TTC28: variants seen among roughly 807,000 people sequenced by gnomAD.
The protein encoded by TTC28 is tetratricopeptide repeat protein 28.
A neutral mutation model predicts 198.0 loss-of-function variants in TTC28; 61 were observed. The ratio of observed to expected loss-of-function variants is 0.31; its 90% confidence interval spans 0.25 to 0.38. The LOEUF (loss-of-function observed/expected upper bound fraction) is 0.38, where lower values mean the gene tolerates loss of function less well. Ranked by LOEUF, TTC28 falls within the 10% of genes least tolerant of loss-of-function variation. The pLI is 1.00. For missense variants in TTC28, 2,678 were observed against 3,164.0 expected (o/e 0.85, Z 3.69); for synonymous variants, 1,171 against 1,297.8 (o/e 0.90, Z 2.10).
rs1361018049 is a variant in TTC28 at position 27,982,773 on chromosome 22, G to T, written c.6894C>A (p.His2298Gln). 1 of 1,549,886 alleles carries T rather than the reference G, an allele frequency of 6.5e-7. No individual in the cohort carries two copies. Among genetic ancestry groups the T allele is most frequent in the South Asian group, 1.2e-5 (1 of 83,942 alleles). Residue 2298 changes from histidine (H) to glutamine (Q), a missense_variant, in exon 23 of 23, where the codon CAC becomes CAA. Physicochemically the swap from His to Gln is conservative, Grantham distance 24. Transcript: ENST00000397906. The surrounding 1 kb of genome is among the most constrained non-coding windows in gnomAD (Gnocchi z 5.2). ...LKYPSSPYSA[H>Q]ISKSPRNMSP... ...ACATGTTCCTTGGTGATTTGGAAAT[G>T]TGAGCGCTGTAAGGAGAGCTGGGGT...
At chr22:28,352,645 T>C (rs1006286908) in intron 2 of TTC28, among the ~76,000 whole-genome samples, 9 of 151,844 alleles carry the variant, frequency 5.9e-5, no homozygotes, top group African/African-American at 1.2e-4. Flanking sequence ...CAGCAAGAGG[T>C]ACCCAGGCTG....
chr22:28,313,621 A>G (rs1040739746), intron 2 of TTC28, among the ~76,000 whole-genome samples: 2 of 152,266 alleles, frequency 1.3e-5, no homozygotes, highest in Admixed American at 1.3e-4. Context: ...CCACATGATT[A>G]TCTCAATAGA....
At chr22:28,146,833 G>T (rs1053282014) in intron 6 of TTC28, among the ~76,000 whole-genome samples, 9 of 151,832 alleles carry the variant, frequency 5.9e-5, no homozygotes, top group Admixed American at 2.0e-4. Flanking sequence ...TTGCCACTGG[G>T]CTGTTCTGAT....
In TTC28 at chr22:28,176,375, T is replaced by C. The variant is rs534778402; in HGVS notation, c.934-12776A>G. On this transcript the variant is annotated intron_variant, in intron 5 of 22. Coordinates refer to ENST00000397906, the MANE Select transcript of TTC28 (RefSeq NM_001145418.2). ...ATCTGAAAAAAAAAAGTTGGTATTATAGAAGCAGAGAGTAGAACAGTCCTT... is the reference window on the plus strand; with the variant it reads ...ATCTGAAAAAAAAAAGTTGGTATTACAGAAGCAGAGAGTAGAACAGTCCTT... Among the ~76,000 whole-genome samples, 13 of 152,106 alleles carry C rather than the reference T, an allele frequency of 8.5e-5. No homozygotes were observed. In the South Asian group the frequency reaches 2.7e-3, roughly 32 times the overall value.
chr22:28,616,625 G>A (rs1342917941), intron 2 of TTC28, among the ~76,000 whole-genome samples: 4 of 152,204 alleles, frequency 2.6e-5, no homozygotes. Flanking sequence ...GCCAAGGCAA[G>A]TGGACTGCTT....
chr22:28,227,182 C>T (rs775471269), intron 5 of TTC28, among the ~76,000 whole-genome samples: 2 of 152,072 alleles, frequency 1.3e-5, no homozygotes, highest in African/African-American at 2.4e-5. Context: ...ATCCTCTGAC[C>T]CTGGCCTCTC....
intron 5 of TTC28, among the ~76,000 whole-genome samples, chr22:28,291,500 TAA>T (rs1307171613): frequency 1.3e-5 from 2 of 152,142 alleles, no homozygotes; most frequent in East Asian, 3.9e-4. Context: ...ATTAAAACAA[TAA>T]GATATTACCT....
At chr22:28,219,629 C>T (rs1334895506) in intron 5 of TTC28, among the ~76,000 whole-genome samples, 1 of 152,118 alleles carries the variant, frequency 6.6e-6, no homozygotes, top group East Asian at 1.9e-4. Flanking sequence ...TAACTCTCCC[C>T]TACGTAAAAT....
At chr22:28,018,181 G>A (rs543073673) in intron 13 of TTC28, among the ~76,000 whole-genome samples, 6 of 152,122 alleles carry the variant, frequency 3.9e-5, no homozygotes, top group East Asian at 1.9e-4. Flanking sequence ...ACCTGGCCAC[G>A]GGGCCCCTTG....
chr22:28,652,123 A>T (rs991405585), intron 1 of TTC28, among the ~76,000 whole-genome samples: 1 of 152,260 alleles, frequency 6.6e-6, no homozygotes. Context: ...TACAGGCATG[A>T]GCCACTGTGC....
At chr22:28,644,508 C>A (rs923060202) in intron 1 of TTC28, among the ~76,000 whole-genome samples, 3 of 151,196 alleles carry the variant, frequency 2.0e-5, no homozygotes, top group East Asian at 2.0e-4. Flanking sequence ...AGAACTATAT[C>A]CAAAGTTACT....
chr22:28,188,065 C>T (rs1483645734), intron 5 of TTC28, among the ~76,000 whole-genome samples: 2 of 152,280 alleles, frequency 1.3e-5, no homozygotes, highest in Non-Finnish European at 2.9e-5. Flanking sequence ...CGAGACAAGG[C>T]ATCTGCTCCA....
At chr22:28,066,892 C>A (rs1940777210) in intron 12 of TTC28, among the ~76,000 whole-genome samples, 1 of 152,090 alleles carries the variant, frequency 6.6e-6, no homozygotes, top group Admixed American at 6.6e-5. Context: ...GGCACTGCAC[C>A]CCCTACCTTG....
chr22:28,202,653 A>C (rs1926074224), intron 5 of TTC28, among the ~76,000 whole-genome samples: 1 of 152,154 alleles, frequency 6.6e-6, no homozygotes, highest in Admixed American at 6.5e-5. Context: ...GGTCATCAGA[A>C]AACCACAGAA....
chr22:28,054,542 A>T (rs1037682310), intron 12 of TTC28, among the ~76,000 whole-genome samples: 1 of 152,138 alleles, frequency 6.6e-6, no homozygotes, highest in African/African-American at 2.4e-5. Flanking sequence ...GTTGCCAAGG[A>T]CAGAGCAGAG....
intron 2 of TTC28, among the ~76,000 whole-genome samples, chr22:28,323,559 A>G (rs1294294416): frequency 7.2e-5 from 11 of 152,218 alleles, no homozygotes. Flanking sequence ...ACAGGCTGTT[A>G]GAACATAGAG....
chr22:28,512,712 G>T (rs1053540668), intron 2 of TTC28, among the ~76,000 whole-genome samples: 2 of 152,136 alleles, frequency 1.3e-5, no homozygotes, highest in Non-Finnish European at 2.9e-5. Context: ...CTTGTAAGTG[G>T]GAGCTGAATG....
chr22:28,422,552 C>T (rs1235837074), intron 2 of TTC28, among the ~76,000 whole-genome samples: 2 of 151,970 alleles, frequency 1.3e-5, no homozygotes, highest in Admixed American at 6.6e-5. Flanking sequence ...CATTCTCCTG[C>T]CTCAGCCTCC....
intron 12 of TTC28, among the ~76,000 whole-genome samples, chr22:28,067,590 C>A (rs74999160): frequency 6.6e-6 from 1 of 152,232 alleles, no homozygotes; most frequent in Non-Finnish European, 1.5e-5. Flanking sequence ...TACAAACCTA[C>A]GAGCTCCTCA....
Sources: gnomAD v4.1 joint callset for allele counts (sites outside exome capture counted in the v4.1 genomes callset) on GRCh38, gnomAD v4.1.1 for gene constraint, Gnocchi (gnomAD v3.1) non-coding constraint, MANE v1.5 for transcripts, NCBI Gene and HGNC (gene_info 2026-07-23, HGNC 2026-07-21) for gene names.